LPP: variants seen among roughly 807,000 people sequenced by gnomAD.
The protein encoded by LPP is LIM domain containing preferred translocation partner in lipoma.
A neutral mutation model predicts 60.4 loss-of-function variants in LPP; 38 were observed. That is an observed-to-expected ratio of 0.63 (90% CI 0.49 to 0.83). The LOEUF is 0.83. Among genes scored for constraint, LPP ranks in the 40% least tolerant of loss-of-function variants. The pLI is 0.00. For synonymous variants in LPP, 328 were observed against 290.8 expected (o/e 1.13, Z -1.30); for missense variants, 902 against 783.6 (o/e 1.15, Z -1.80).
chr3:188,829,705 A>C (rs928893549), intron 9 of LPP, among the ~76,000 whole-genome samples: 1 of 152,196 alleles, frequency 6.6e-6, no homozygotes. Context: ...GGCAATATAC[A>C]TACTGGGTTT....
At chr3:188,811,310 C>T (rs1285898064) in intron 9 of LPP, among the ~76,000 whole-genome samples, 2 of 150,874 alleles carry the variant, frequency 1.3e-5, no homozygotes, top group African/African-American at 4.9e-5. Flanking sequence ...AAGTTACTGA[C>T]CTTAGGGGTC....
At position 188,609,087 on chromosome 3, in the gene LPP, T is replaced by G. The variant is rs895586788; in HGVS notation, c.430-74T>G. The G allele has an allele frequency of 5.7e-6, 6 of 1,057,730 alleles. No homozygotes were observed. Among genetic ancestry groups the G allele is most frequent in the Non-Finnish European group, 5.6e-6 (4 of 719,306 alleles). The allele number at this position is 1,057,730 out of a possible 1,614,324, so 65.5% of individuals were successfully genotyped here. On this transcript the variant is annotated intron_variant, in intron 6 of 11. Transcript: ENST00000617246. This position sits in a 1 kb window ranked among gnomAD's most constrained non-coding sequence, Gnocchi z 6.9. ...ATTAGCAGTTATTAATATTTTTCATTTATTCATTTTTATTGAGTTTCGTTG... is the reference window on the plus strand; with the variant it reads ...ATTAGCAGTTATTAATATTTTTCATGTATTCATTTTTATTGAGTTTCGTTG...
At chr3:188,457,703 T>C (rs1287414840) in intron 4 of LPP, among the ~76,000 whole-genome samples, 6 of 147,218 alleles carry the variant, frequency 4.1e-5, no homozygotes, top group Middle Eastern at 3.5e-3. Flanking sequence ...TCATCCTGGC[T>C]AACATGATGA....
chr3:188,548,729 G>C (rs996999034), intron 6 of LPP, among the ~76,000 whole-genome samples: 1 of 152,178 alleles, frequency 6.6e-6, no homozygotes, highest in Non-Finnish European at 1.5e-5. Context: ...GAAGAATCAG[G>C]ATGGACTGGA....
chr3:188,746,547 T>C (rs1423858482), intron 8 of LPP: 2 of 488,406 alleles, frequency 4.1e-6, no homozygotes, highest in Non-Finnish European at 8.1e-6. Context: ...CCTTCAACTT[T>C]GCACTCTCCC....
intron 7 of LPP, among the ~76,000 whole-genome samples, chr3:188,649,768 C>T (rs1851742996): frequency 6.6e-6 from 1 of 152,116 alleles, no homozygotes; most frequent in African/African-American, 2.4e-5. Context: ...ACTATGATTC[C>T]TGTCTTCAAG....
rs557338180 is a variant in LPP at position 188,187,220 on chromosome 3, A to T, written c.-190+32968A>T. Among the ~76,000 whole-genome samples the T allele has an allele frequency of 7.2e-5, 11 of 152,360 alleles. No individual in the cohort carries two copies. In the East Asian group the frequency reaches 2.1e-3, roughly 29 times the overall value. On this transcript the variant is annotated intron_variant, in intron 1 of 11. Coordinates refer to ENST00000617246, the MANE Select transcript of LPP (RefSeq NM_001375462.1). Reference sequence around the variant, plus strand: ...CTGTGGTTTGATTGCAAAAGCTGAAAAAATAAATAATATTTACATTATGAT... The same window carrying T: ...CTGTGGTTTGATTGCAAAAGCTGAATAAATAAATAATATTTACATTATGAT...
chr3:188,303,983 T>C (rs73061539), intron 2 of LPP, among the ~76,000 whole-genome samples: 3,595 of 152,246 alleles, frequency 0.024, 141 homozygotes, highest in African/African-American at 0.079. Flanking sequence ...TGCCATAGAA[T>C]GGAGGAAGTG....
intron 7 of LPP, among the ~76,000 whole-genome samples, chr3:188,651,753 G>T (rs1350204801): frequency 6.6e-6 from 1 of 152,088 alleles, no homozygotes; most frequent in Non-Finnish European, 1.5e-5. Flanking sequence ...CACGGGAAAG[G>T]CCTGCCCCCA....
chr3:188,399,350 A>T (rs1413543084), intron 3 of LPP, among the ~76,000 whole-genome samples: 6 of 145,864 alleles, frequency 4.1e-5, no homozygotes, highest in Non-Finnish European at 3.0e-5. Context: ...ACTTTTGTAT[A>T]AAGAGAATGT....
chr3:188,170,847 A>T (rs1478847280), intron 1 of LPP, among the ~76,000 whole-genome samples: 1 of 152,118 alleles, frequency 6.6e-6, no homozygotes, highest in Non-Finnish European at 1.5e-5. Context: ...CATCTACTTC[A>T]TTTAAAATAA....
At position 188,762,090 on chromosome 3, in the gene LPP, GGCA is replaced by G. The variant is rs142240613; in HGVS notation, c.1410+1814_1410+1816del. On this transcript the variant is annotated intron_variant, in intron 9 of 11. Coordinates refer to ENST00000617246, the MANE Select transcript of LPP (RefSeq NM_001375462.1). ...TTTGCTACTTTAATGATGCTACTGT[GGCA>G]GCAGCCTTCTTCAGTTGTTTTGTTT... 1.1e-3 allele frequency among the ~76,000 whole-genome samples: 162 copies of G among 152,090 alleles called. 1 individual carries two copies. The East Asian group carries it at 0.031, about 29-fold the overall frequency.
At chr3:188,694,705 A>T (rs61528117) in intron 7 of LPP, among the ~76,000 whole-genome samples, 62 of 151,480 alleles carry the variant, frequency 4.1e-4, no homozygotes, top group South Asian at 1.9e-3. Flanking sequence ...CTCAAAAAAA[A>T]AAAAATAAAT....
In LPP at chr3:188,791,315, TTG is replaced by T. The variant is rs370387443; in HGVS notation, c.1410+31036_1410+31037del. 2.3e-3 allele frequency among the ~76,000 whole-genome samples: 355 copies of T among 152,320 alleles called. 3 individuals carry two copies. The highest frequency in any genetic ancestry group is 8.3e-3 in the African/African-American group (345 of 41,554). ...TTCCTAAAGGAAAAGTGAATGGTCT[TTG>T]TGAATTCAAACCTCATTCTGTTGCT... On this transcript the variant is annotated intron_variant, in intron 9 of 11. Transcript: ENST00000617246.
intron 7 of LPP, among the ~76,000 whole-genome samples, chr3:188,624,084 A>AGCTTGTTCT (rs1477054205): frequency 1.3e-5 from 2 of 152,242 alleles, no homozygotes; most frequent in East Asian, 3.9e-4. Context: ...AGACCTCCTT[A>AGCTTGTTCT]GCTCCATTGT....
chr3:188,493,731 C>A (rs1430317107), intron 5 of LPP, among the ~76,000 whole-genome samples: 1 of 152,154 alleles, frequency 6.6e-6, no homozygotes, highest in African/African-American at 2.4e-5. Context: ...AGGTGTGAGC[C>A]ACTGCTCCCA....
rs2149533573 is a variant in LPP at position 188,697,053 on chromosome 3, G to A, written c.1114-11214G>A. On this transcript the variant is annotated intron_variant, in intron 7 of 11. Transcript: ENST00000617246. The stretch of plus-strand genomic sequence containing the variant: ...GAGATACTTTGATTTGATTTTCACT[G>A]GTCAAGCAAAAAAACATGTTCTTGT... Among the ~76,000 whole-genome samples the A allele has an allele frequency of 1.3e-5, 2 of 152,148 alleles. 1 individual carries two copies. The highest frequency in any genetic ancestry group is 4.1e-4 in the South Asian group (2 of 4,820).
intron 8 of LPP, among the ~76,000 whole-genome samples, chr3:188,751,218 T>A (rs1275561296): frequency 6.6e-6 from 1 of 152,150 alleles, no homozygotes; most frequent in African/African-American, 2.4e-5. Flanking sequence ...AATTTGGAGA[T>A]TTCCTACCAC....
At chr3:188,676,689 T>C (rs149260989) in intron 7 of LPP, among the ~76,000 whole-genome samples, 72 of 152,316 alleles carry the variant, frequency 4.7e-4, no homozygotes, top group Admixed American at 2.4e-3. Flanking sequence ...TGTGGCCTTA[T>C]AGATCCTTAT....
Sources: allele counts gnomAD v4.1 joint callset (sites outside exome capture counted in the v4.1 genomes callset), GRCh38; gene constraint gnomAD v4.1.1; non-coding constraint Gnocchi (gnomAD v3.1); transcripts MANE v1.5; gene names NCBI Gene and HGNC (gene_info 2026-07-23, HGNC 2026-07-21).